Variants in ARHGEF11 observed in about 807,000 individuals in gnomAD.
ARHGEF11 encodes Rho guanine nucleotide exchange factor 11, also known as Rho guanine exchange factor (GEF) 11.
ARHGEF11 carries 55 observed loss-of-function variants against 193.7 expected under a neutral mutation model. That is an observed-to-expected ratio of 0.28 (90% CI 0.23 to 0.36). The LOEUF is 0.36. Ranked by LOEUF, ARHGEF11 falls within the 10% of genes least tolerant of loss-of-function variation. The probability of loss-of-function intolerance (pLI) is 1.00; values close to 1 mark genes in which losing one functional copy is unlikely to be tolerated. For missense variants in ARHGEF11, 1,723 were observed against 2,005.6 expected, an observed-to-expected ratio of 0.86 and a Z score of 2.69; for synonymous variants, 693 against 768.0, an observed-to-expected ratio of 0.90 and a Z score of 1.62.
intron 19 of ARHGEF11, among the ~76,000 whole-genome samples, chr1:156,956,153 G>A (rs1659913505): frequency 6.6e-6 from 1 of 152,132 alleles, no homozygotes; most frequent in Non-Finnish European, 1.5e-5. Flanking sequence ...GTCTCACTCT[G>A]TTGCCCAGGC....
Position 156,936,025 on chromosome 1 carries a change from T to C in ARHGEF11, c.4664A>G (p.Asp1555Gly). 6.2e-7 allele frequency: 1 copy of C among 1,613,840 alleles called. No individual in the cohort carries two copies. The highest frequency in any genetic ancestry group is 8.5e-7 in the Non-Finnish European group (1 of 1,179,818). Residue 1555 changes from aspartate (D) to glycine (G), a missense_variant, in exon 41 of 41, where the codon GAC becomes GGC. By Grantham distance (94) the Asp-to-Gly change is moderately conservative. Coordinates refer to ENST00000368194, the MANE Select transcript of ARHGEF11 (RefSeq NM_198236.3). ...SDAPLEDSTADAAASPGP is the reference protein window; with the variant it reads ...SDAPLEDSTAGAAASPGP ...TTATGGTCCTGGTGACGCGGCTGCG[T>C]CTGCTGTGCTGTCTTCCAGGGGGGC...
At chr1:157,018,576 C>T (rs1037965064) in intron 1 of ARHGEF11, among the ~76,000 whole-genome samples, 4 of 149,754 alleles carry the variant, frequency 2.7e-5, no homozygotes, top group Non-Finnish European at 5.9e-5. Flanking sequence ...ACCTGGGAGG[C>T]GGAGGTTGCA....
intron 21 of ARHGEF11, among the ~76,000 whole-genome samples, chr1:156,952,478 C>A (rs1228164318): frequency 6.6e-6 from 1 of 152,164 alleles, no homozygotes; most frequent in African/African-American, 2.4e-5. Flanking sequence ...CTGAGCCCAT[C>A]CATATTAGAA....
Position 156,969,308 on chromosome 1 carries a change from T to C in ARHGEF11, c.799A>G (p.Thr267Ala), listed in dbSNP as rs781561460. 1 of 1,606,414 alleles carries C rather than the reference T, an allele frequency of 6.2e-7. No individual in the cohort carries two copies. The highest frequency in any genetic ancestry group is 8.5e-7 in the Non-Finnish European group (1 of 1,176,574). ...TCACTGAGGGAAGGAAAGCGTTCTG[T>C]CCCAGAGTCCAAGCCACTGTCCCCC... ...QEGDSGLDSG[T>A]ERFPSLSESL... The change falls in exon 10 of 41, where the codon ACA (threonine) becomes GCA (alanine). Residue 267 changes from threonine (T) to alanine (A), a missense_variant. By Grantham distance (58) the Thr-to-Ala change is moderately conservative. Transcript: ENST00000368194.
At chr1:156,986,238 G>A (rs1345115055) in intron 1 of ARHGEF11, 65 bp from the exon 2 acceptor site, 1 of 1,391,498 alleles carries the variant, frequency 7.2e-7, no homozygotes, top group African/African-American at 1.4e-5. Context: ...TGTAGTAGAT[G>A]GAGGCTCTGT....
chr1:156,947,515 A>G (rs1658364859), intron 25 of ARHGEF11, 65 bp from the exon 26 acceptor site: 1 of 1,490,306 alleles, frequency 6.7e-7, no homozygotes, highest in East Asian at 2.4e-5. Context: ...AAGTATCTAG[A>G]GTCCCTGACC....
At chr1:157,026,135 C>T (rs534633815) in intron 1 of ARHGEF11, among the ~76,000 whole-genome samples, 10 of 152,268 alleles carry the variant, frequency 6.6e-5, no homozygotes, top group Admixed American at 3.9e-4. Context: ...CTGCAGTCAG[C>T]GGCAGATACC....
intron 1 of ARHGEF11, among the ~76,000 whole-genome samples, chr1:157,019,703 A>G (rs755164748): frequency 1.3e-5 from 2 of 152,226 alleles, no homozygotes; most frequent in Non-Finnish European, 2.9e-5. Flanking sequence ...ATTGATAGAC[A>G]CACCAATATA....
At chr1:156,936,503 T>TATATAA (rs1655328811) in intron 40 of ARHGEF11, among the ~76,000 whole-genome samples, 1 of 111,346 alleles carries the variant, frequency 9.0e-6, no homozygotes, top group Admixed American at 8.7e-5. Context: ...AAAAAATATA[T>TATATAA]ATATATATAT....
rs1658662130 is a variant in ARHGEF11 at position 156,948,968 on chromosome 1, G to A, written c.1926-470C>T. On this transcript the variant is annotated intron_variant, in intron 22 of 40. Coordinates refer to ENST00000368194, the MANE Select transcript of ARHGEF11 (RefSeq NM_198236.3). This position sits in a 1 kb window ranked among gnomAD's most constrained non-coding sequence, Gnocchi z 4.2. ...TCCCACCTTTAACTCTGCCTGAGGCGAACCTCTTTTAAGAGGTCTTAAGAG... is the reference window on the plus strand; with the variant it reads ...TCCCACCTTTAACTCTGCCTGAGGCAAACCTCTTTTAAGAGGTCTTAAGAG... 3 of 985,274 alleles carry A rather than the reference G, an allele frequency of 3.0e-6. No homozygotes were observed. The highest frequency in any genetic ancestry group is 3.6e-6 in the Non-Finnish European group (3 of 829,938). 61.0% of individuals were successfully genotyped at this position (985,274 alleles called of 1,614,324 possible).
At chr1:157,037,861 G>A (rs987148553) in intron 1 of ARHGEF11, among the ~76,000 whole-genome samples, 1 of 151,376 alleles carries the variant, frequency 6.6e-6, no homozygotes, top group Non-Finnish European at 1.5e-5. Context: ...TGAAACCCCC[G>A]TCTCTACTAA....
At position 156,937,019 on chromosome 1, in the gene ARHGEF11, C is replaced by T. The variant is rs988760112; in HGVS notation, c.4441-14G>A. 1.2e-5 allele frequency: 20 copies of T among 1,609,160 alleles called. No individual in the cohort carries two copies. The highest frequency in any genetic ancestry group is 2.2e-5 in the East Asian group (1 of 44,722). ...CAGCTCCATATCCTGGAAGAGTCGG[C>T]GGGGGAATGTCTGCTCGAGTCCTTC... On this transcript the variant is annotated splice_polypyrimidine_tract_variant and intron_variant, in intron 39 of 40. Transcript: ENST00000368194.
chr1:156,999,058 C>A (rs144368673), intron 1 of ARHGEF11, among the ~76,000 whole-genome samples: 4,091 of 152,244 alleles, frequency 0.027, 72 homozygotes, highest in South Asian at 0.054. Context: ...AGGGGGCGGG[C>A]CCTTCTGACA....
At chr1:157,042,226 C>T (rs1163996436) in intron 1 of ARHGEF11, among the ~76,000 whole-genome samples, 1 of 152,150 alleles carries the variant, frequency 6.6e-6, no homozygotes, top group Non-Finnish European at 1.5e-5. Flanking sequence ...GAAAATAGTG[C>T]TTTAACTATA....
chr1:156,941,544 C>G (rs1193992181), intron 34 of ARHGEF11, 111 bp from the exon 35 acceptor site: 1 of 1,249,682 alleles, frequency 8.0e-7, no homozygotes, highest in Non-Finnish European at 1.2e-6. Context: ...GGCCTCTTCA[C>G]CTGGCTGGTC....
chr1:156,951,727 C>T (rs536779832), intron 21 of ARHGEF11, 28 bp from the exon 22 acceptor site: 3 of 1,613,450 alleles, frequency 1.9e-6, no homozygotes, highest in East Asian at 4.5e-5. Flanking sequence ...ATGAAGGACA[C>T]TAGGCTTGCT....
intron 1 of ARHGEF11, among the ~76,000 whole-genome samples, chr1:157,004,525 T>A (rs910795766): frequency 6.6e-6 from 1 of 152,182 alleles, no homozygotes; most frequent in African/African-American, 2.4e-5. Context: ...GCTGACTCCA[T>A]CTTTCTACTT....
chr1:156,956,463 G>A lies in ARHGEF11; in HGVS notation c.1628C>T (p.Pro543Leu). The A allele has an allele frequency of 6.2e-7, 1 of 1,614,140 alleles. No individual in the cohort carries two copies. The highest frequency in any genetic ancestry group is 8.5e-7 in the Non-Finnish European group (1 of 1,180,028). Residue 543 changes from proline to leucine, a missense_variant, in exon 19 of 41, where the codon CCT (proline) becomes CTT (leucine). This residue lies in a region of ARHGEF11 where 646 missense variants were observed against 710.7 expected (regional missense o/e 0.91). Transcript: ENST00000368194. ...GAACGGTAGCCACTTGTCCTTGTCAGGAGCAGACTGGGCCTTTTCAGCTGT... is the reference window on the plus strand; with the variant it reads ...GAACGGTAGCCACTTGTCCTTGTCAAGAGCAGACTGGGCCTTTTCAGCTGT... Reference protein sequence around the residue: ...SNTAEKAQSAPDKDKWLPFFP... With the variant: ...SNTAEKAQSALDKDKWLPFFP...
Position 157,045,524 on chromosome 1 carries a change from G to A in ARHGEF11, c.-1194C>T, listed in dbSNP as rs572209085. 6.6e-6 allele frequency among the ~76,000 whole-genome samples: 1 copy of A among 152,192 alleles called. No homozygotes were observed. The highest frequency in any genetic ancestry group is 1.5e-5 in the Non-Finnish European group (1 of 67,984). ...AAAATCCGATCGCCTGTCTCCTCTC[G>A]GCCTCTCCTTGCCTCCCTTTCCGCC... On this transcript the variant is annotated 5_prime_UTR_variant, in exon 1 of 41. Coordinates refer to ENST00000368194, the MANE Select transcript of ARHGEF11 (RefSeq NM_198236.3).
Sources: gnomAD v4.1 joint callset for allele counts (sites outside exome capture counted in the v4.1 genomes callset) on GRCh38, gnomAD v4.1.1 for gene constraint, gnomAD v4.1.1 regional missense constraint, Gnocchi (gnomAD v3.1) non-coding constraint, MANE v1.5 for transcripts, NCBI Gene and HGNC (gene_info 2026-07-23, HGNC 2026-07-21) for gene names.